ACACA: variants seen among roughly 807,000 people sequenced by gnomAD.
The protein encoded by ACACA is acetyl-CoA carboxylase 1.
In ACACA, 103 loss-of-function variants were observed where a neutral mutation model predicts 296.1. The ratio of observed to expected loss-of-function variants is 0.35; its 90% confidence interval spans 0.30 to 0.41. The LOEUF (loss-of-function observed/expected upper bound fraction) is 0.41, where lower values mean the gene tolerates loss of function less well. Ranked by LOEUF, ACACA falls within the 10% of genes least tolerant of loss-of-function variation. The pLI is 1.00. For missense variants in ACACA, 1,554 were observed against 2,989.7 expected, an observed-to-expected ratio of 0.52 and a Z score of 11.20; for synonymous variants, 953 against 1,038.6, an observed-to-expected ratio of 0.92 and a Z score of 1.58.
intron 52 of ACACA, among the ~76,000 whole-genome samples, chr17:37,101,499 T>C (rs1357505655): frequency 6.6e-6 from 1 of 152,220 alleles, no homozygotes; most frequent in Non-Finnish European, 1.5e-5. Context: ...TGAGAATTTA[T>C]GGACTTACCA....
chr17:37,372,669 G>A (rs1003325239), intron 1 of ACACA, among the ~76,000 whole-genome samples: 21 of 151,998 alleles, frequency 1.4e-4, no homozygotes, highest in Admixed American at 2.6e-4. Context: ...CTCTTCCAAC[G>A]CCATATCTCT....
chr17:37,402,201 C>T (rs1006873969), intron 1 of ACACA, among the ~76,000 whole-genome samples: 10 of 152,116 alleles, frequency 6.6e-5, no homozygotes, highest in Non-Finnish European at 1.2e-4. Context: ...ACTTAGTCAT[C>T]TTTGCTATGA....
intron 41 of ACACA, among the ~76,000 whole-genome samples, chr17:37,174,734 T>G (rs1204945590): frequency 6.6e-6 from 1 of 151,714 alleles, no homozygotes; most frequent in East Asian, 1.9e-4. Context: ...GGTTTCACCA[T>G]GTGGGCCAGG....
chr17:37,346,700 TCAAAAAAAAA>T (rs1222114614), intron 1 of ACACA, among the ~76,000 whole-genome samples: 30,676 of 106,484 alleles, frequency 0.29, 3,356 homozygotes, highest in Admixed American at 0.47. Context: ...AGACTCCATC[TCAAAAAAAAA>T]AAAAAAAAAA....
At chr17:37,334,657 G>A (rs573195455) in intron 2 of ACACA, among the ~76,000 whole-genome samples, 37 of 152,136 alleles carry the variant, frequency 2.4e-4, no homozygotes, top group African/African-American at 7.7e-4. Flanking sequence ...AACTAAAATC[G>A]TAAATCCCCT....
intron 3 of ACACA, among the ~76,000 whole-genome samples, chr17:37,285,286 G>A (rs1389387630): frequency 2.0e-5 from 3 of 152,080 alleles, no homozygotes; most frequent in Non-Finnish European, 4.4e-5. Flanking sequence ...AGTTACCAGG[G>A]TTGTTTCTGG....
At chr17:37,393,550 G>C (rs1429536153) in intron 1 of ACACA, among the ~76,000 whole-genome samples, 1 of 151,988 alleles carries the variant, frequency 6.6e-6, no homozygotes, top group Non-Finnish European at 1.5e-5. Flanking sequence ...TTCTACAAGA[G>C]TATAATTGGA....
chr17:37,119,403 C>T (rs1475809747), intron 50 of ACACA, among the ~76,000 whole-genome samples: 1 of 151,858 alleles, frequency 6.6e-6, no homozygotes, highest in Non-Finnish European at 1.5e-5. Flanking sequence ...TTGACTTAAC[C>T]GTATACTCTC....
intron 3 of ACACA, among the ~76,000 whole-genome samples, chr17:37,302,771 T>C (rs754751438): frequency 1.6e-4 from 24 of 152,348 alleles, no homozygotes; most frequent in Non-Finnish European, 2.8e-4. Context: ...ACTTAACTTT[T>C]CTATATAGAT....
chr17:37,231,386 G>T (rs1225598788), intron 25 of ACACA, among the ~76,000 whole-genome samples: 1 of 152,172 alleles, frequency 6.6e-6, no homozygotes, highest in Non-Finnish European at 1.5e-5. Context: ...ACTAAACCCA[G>T]GATCAGCAAT....
intron 33 of ACACA, among the ~76,000 whole-genome samples, chr17:37,204,980 A>G (rs961254759): frequency 5.3e-5 from 8 of 152,246 alleles, no homozygotes; most frequent in Non-Finnish European, 8.8e-5. Flanking sequence ...GTAGATCACA[A>G]GTAAGCCTGC....
chr17:37,198,376 T>C (rs1421911331), intron 35 of ACACA, among the ~76,000 whole-genome samples: 1 of 152,216 alleles, frequency 6.6e-6, no homozygotes, highest in East Asian at 1.9e-4. Flanking sequence ...GCTGTTATTC[T>C]AAAGTCGGTG....
chr17:37,087,212 A>G lies in ACACA; in HGVS notation c.*104T>C, dbSNP rs138971831. ...AGGAAGTAAAATGCCATTTGACTCC[A>G]GTGCTGGGTCTCCTGTGCCTTCTCA... On this transcript the variant is annotated 3_prime_UTR_variant, in exon 56 of 56. Coordinates refer to ENST00000616317, the MANE Select transcript of ACACA (RefSeq NM_198834.3). 7 of 1,512,964 alleles carry G rather than the reference A, an allele frequency of 4.6e-6. No individual in the cohort carries two copies. The East Asian group carries it at 1.1e-4, about 24-fold the overall frequency. The allele number at this position is 1,512,964 out of a possible 1,614,324, so 93.7% of individuals were successfully genotyped here. A position where few individuals can be genotyped will look rare whatever the true frequency, so the allele number is the denominator to read the frequency against.
At chr17:37,220,637 A>G (rs1371946353) in intron 29 of ACACA, among the ~76,000 whole-genome samples, 1 of 152,190 alleles carries the variant, frequency 6.6e-6, no homozygotes, top group Non-Finnish European at 1.5e-5. Flanking sequence ...TCTGCCAGCC[A>G]TAAGGTATTT....
chr17:37,389,446 C>A, intron 1 of ACACA: 2 of 1,494,168 alleles, frequency 1.3e-6, no homozygotes, highest in Non-Finnish European at 1.8e-6. Flanking sequence ...CCTCTATTCC[C>A]AGCACTTTGA....
At chr17:37,273,500 G>A (rs372970028) in intron 9 of ACACA, among the ~76,000 whole-genome samples, 4 of 152,312 alleles carry the variant, frequency 2.6e-5, no homozygotes, top group South Asian at 4.1e-4. Context: ...TATGTGATTG[G>A]TCAACTTGGA....
At chr17:37,258,861 T>C (rs1446812893) in intron 12 of ACACA, among the ~76,000 whole-genome samples, 1 of 152,242 alleles carries the variant, frequency 6.6e-6, no homozygotes, top group Non-Finnish European at 1.5e-5. Flanking sequence ...TCATTAACTA[T>C]TACTGCTTTC....
At chr17:37,174,907 A>T (rs189887056) in intron 41 of ACACA, among the ~76,000 whole-genome samples, 52 of 152,162 alleles carry the variant, frequency 3.4e-4, no homozygotes, top group African/African-American at 1.2e-3. Context: ...CTGAATACCA[A>T]CCCCTTTTTT....
intron 16 of ACACA, among the ~76,000 whole-genome samples, chr17:37,251,041 T>A (rs2080968374): frequency 6.6e-6 from 1 of 151,810 alleles, no homozygotes; most frequent in African/African-American, 2.4e-5. Flanking sequence ...ATAAAAAAAA[T>A]AAAAATAATA....
Sources: allele counts gnomAD v4.1 joint callset (sites outside exome capture counted in the v4.1 genomes callset), GRCh38; gene constraint gnomAD v4.1.1; transcripts MANE v1.5; gene names NCBI Gene and HGNC (gene_info 2026-07-23, HGNC 2026-07-21).